Variants in KLHL8 observed in about 807,000 individuals in gnomAD.
The protein encoded by KLHL8 is kelch like family member 8, also known as kelch-like protein 8.
A neutral mutation model predicts 63.5 loss-of-function variants in KLHL8; 38 were observed. The observed-to-expected ratio is 0.60, with a 90% CI of 0.46 to 0.78. The LOEUF is 0.78. Ranked by LOEUF, KLHL8 falls within the 30% of genes least tolerant of loss-of-function variation. The pLI is 0.00. For missense variants in KLHL8, 566 were observed against 752.4 expected (o/e 0.75, Z 2.90); for synonymous variants, 224 against 254.3 (o/e 0.88, Z 1.13).
intron 1 of KLHL8, among the ~76,000 whole-genome samples, chr4:87,202,745 A>C (rs1173870584): frequency 2.0e-5 from 3 of 152,214 alleles, no homozygotes; most frequent in African/African-American, 4.8e-5. Context: ...TAAAGAAGAA[A>C]TAGCCTTGAC....
At chr4:87,223,538 T>C (rs114650426), upstream of KLHL8, among the ~76,000 whole-genome samples, 664 of 152,258 alleles carry the variant, frequency 4.4e-3, 7 homozygotes, top group African/African-American at 0.015. Flanking sequence ...ACTTAGGATC[T>C]AGACTCGGAG....
intron 8 of KLHL8, chr4:87,167,451 C>A: frequency 2.0e-6 from 1 of 499,336 alleles, no homozygotes; most frequent in South Asian, 1.5e-5. Context: ...CCTCACTGTT[C>A]TGCCCCATCA....
intron 6 of KLHL8, among the ~76,000 whole-genome samples, chr4:87,171,722 A>G (rs1443528771): frequency 6.6e-6 from 1 of 152,206 alleles, no homozygotes; most frequent in Non-Finnish European, 1.5e-5. Flanking sequence ...CTTGGTTTTC[A>G]TAACATCATA....
chr4:87,184,793 G>C (rs796154216), intron 3 of KLHL8, among the ~76,000 whole-genome samples: 3 of 152,220 alleles, frequency 2.0e-5, no homozygotes, highest in African/African-American at 7.2e-5. Flanking sequence ...ACTACGGTGA[G>C]AGAAGAAAAT....
intron 1 of KLHL8, among the ~76,000 whole-genome samples, chr4:87,214,481 A>G (rs2110050949): frequency 7.0e-6 from 1 of 142,416 alleles, no homozygotes; most frequent in African/African-American, 2.6e-5. Context: ...TGAGTTAAAT[A>G]CTTACATGTA....
At chr4:87,223,330 C>T (rs1298137047), upstream of KLHL8, among the ~76,000 whole-genome samples, 1 of 152,056 alleles carries the variant, frequency 6.6e-6, no homozygotes, top group East Asian at 1.9e-4. Context: ...AAAAAGAGCA[C>T]AACTGCTCTT....
intron 2 of KLHL8, among the ~76,000 whole-genome samples, chr4:87,188,127 A>G (rs1291951928): frequency 2.0e-5 from 3 of 152,348 alleles, no homozygotes; most frequent in East Asian, 3.9e-4. Context: ...CATTGAGACT[A>G]AAGTTGTAAT....
At position 87,163,545 on chromosome 4, in the gene KLHL8, A is replaced by G. The variant is rs769291203; in HGVS notation, c.1837T>C (p.Ser613Pro). The part of the protein sequence containing the change: ...TSQIRDVGHG[S>P]NNVVDCM ...CACATACAGTCAACCACATTATTGG[A>G]TCCATGACCTACATCTCGAATTTGG... The change falls in exon 10 of 10, where the codon TCC becomes CCC. Residue 613 changes from serine (S) to proline (P), a missense_variant. Coordinates refer to ENST00000273963, the MANE Select transcript of KLHL8 (RefSeq NM_020803.5). 5 of 1,614,196 alleles carry G rather than the reference A, an allele frequency of 3.1e-6. No homozygotes were observed. The highest frequency in any genetic ancestry group is 4.2e-6 in the Non-Finnish European group (5 of 1,180,018).
intron 1 of KLHL8, among the ~76,000 whole-genome samples, chr4:87,211,432 T>C (rs1732401291): frequency 6.6e-6 from 1 of 152,196 alleles, no homozygotes; most frequent in African/African-American, 2.4e-5. Flanking sequence ...AACTGTATAA[T>C]AGCTTCAATA....
In KLHL8 at chr4:87,209,231, AATG is replaced by A. The variant is rs766538810; in HGVS notation, c.-152+11184_-152+11186del. Among the ~76,000 whole-genome samples the A allele has an allele frequency of 1.4e-3, 207 of 152,298 alleles. 1 individual carries two copies. Among genetic ancestry groups the A allele is most frequent in the Non-Finnish European group, 2.1e-3 (142 of 68,018 alleles). ...ATTCTGATTTTTAGGGAGAAAAATA[AATG>A]ATATTCCTCCTTCCTCAAATATATT... On this transcript the variant is annotated intron_variant, in intron 1 of 9. Transcript: ENST00000273963.
intron 1 of KLHL8, among the ~76,000 whole-genome samples, chr4:87,201,656 G>T (rs987455025): frequency 6.6e-6 from 1 of 152,014 alleles, no homozygotes; most frequent in Non-Finnish European, 1.5e-5. Flanking sequence ...AAATTTAAAA[G>T]AAATTACATT....
intron 1 of KLHL8, among the ~76,000 whole-genome samples, chr4:87,228,609 T>C (rs956804228): frequency 6.6e-6 from 1 of 152,222 alleles, no homozygotes; most frequent in Non-Finnish European, 1.5e-5. Flanking sequence ...CCTTTCAGGC[T>C]TTCTTTACTT....
At chr4:87,240,043 A>G (rs1733300524) in intron 1 of KLHL8, among the ~76,000 whole-genome samples, 1 of 152,172 alleles carries the variant, frequency 6.6e-6, no homozygotes, top group Admixed American at 6.5e-5. Flanking sequence ...CACATAAATG[A>G]ATCATGATGG....
intron 6 of KLHL8, among the ~76,000 whole-genome samples, chr4:87,173,218 T>G (rs548517716): frequency 6.6e-6 from 1 of 152,320 alleles, no homozygotes; most frequent in African/African-American, 2.4e-5. Context: ...GGGACTTCAT[T>G]AAGATGTTCT....
intron 8 of KLHL8, among the ~76,000 whole-genome samples, chr4:87,165,560 A>AT (rs774095649): frequency 6.5e-4 from 92 of 142,420 alleles, no homozygotes; most frequent in South Asian, 3.1e-3. Context: ...CTCCTGGCTA[A>AT]TTTTTTTTTT....
chr4:87,181,271 AC>A, intron 4 of KLHL8, among the ~76,000 whole-genome samples: 1 of 147,856 alleles, frequency 6.8e-6, no homozygotes, highest in East Asian at 2.0e-4. Context: ...TAGTAAAAAT[AC>A]AAAAAAAAAA....
At chr4:87,216,746 A>G (rs556330574) in intron 1 of KLHL8, among the ~76,000 whole-genome samples, 1 of 150,746 alleles carries the variant, frequency 6.6e-6, no homozygotes, top group Non-Finnish European at 1.5e-5. Context: ...CAACCCATTT[A>G]AAAAAAAAGC....
At chr4:87,225,584 TAA>T (rs1316515428), upstream of KLHL8, among the ~76,000 whole-genome samples, 2 of 152,292 alleles carry the variant, frequency 1.3e-5, no homozygotes, top group Admixed American at 1.3e-4. Context: ...AATATCTATA[TAA>T]GACAGAATTT....
At chr4:87,214,110 AT>A (rs1461693745) in intron 1 of KLHL8, among the ~76,000 whole-genome samples, 3 of 151,888 alleles carry the variant, frequency 2.0e-5, no homozygotes, top group Non-Finnish European at 4.4e-5. Context: ...TGCAATCAAC[AT>A]TTTTTCCAGC....
Sources: allele counts gnomAD v4.1 joint callset (sites outside exome capture counted in the v4.1 genomes callset), GRCh38; gene constraint gnomAD v4.1.1; transcripts MANE v1.5; gene names NCBI Gene and HGNC (gene_info 2026-07-23, HGNC 2026-07-21).